Variants in CSMD3 observed in about 807,000 individuals in gnomAD.
CSMD3 encodes CUB and Sushi multiple domains 3, also known as CUB and sushi domain-containing protein 3.
A neutral mutation model predicts 435.2 loss-of-function variants in CSMD3; 177 were observed. That is an observed-to-expected ratio of 0.41 (90% CI 0.36 to 0.46). The LOEUF (loss-of-function observed/expected upper bound fraction) is 0.46. CSMD3 is among the 20% of genes least tolerant of loss of function. The pLI is 0.34. For synonymous variants in CSMD3, 1,656 were observed against 1,520.5 expected (o/e 1.09, Z -2.07); for missense variants, 4,265 against 4,504.6 (o/e 0.95, Z 1.52).
intron 16 of CSMD3, among the ~76,000 whole-genome samples, chr8:112,672,834 T>G (rs759879456): frequency 8.5e-5 from 13 of 152,068 alleles, no homozygotes; most frequent in Admixed American, 6.6e-5. Context: ...AAGGATACAT[T>G]CAAAGAACCC....
chr8:113,352,839 C>T (rs117632465), intron 1 of CSMD3, among the ~76,000 whole-genome samples: 4,513 of 152,274 alleles, frequency 0.03, 86 homozygotes, highest in Admixed American at 0.04. Flanking sequence ...CTTTGTACAG[C>T]TTATCAAGGT....
At chr8:112,518,269 G>C (rs1823888846) in intron 27 of CSMD3, among the ~76,000 whole-genome samples, 1 of 151,896 alleles carries the variant, frequency 6.6e-6, no homozygotes, top group Non-Finnish European at 1.5e-5. Flanking sequence ...GGGACATCAA[G>C]GCAAGAGGAT....
chr8:112,539,047 A>C (rs1242934785), intron 27 of CSMD3: 1 of 153,482 alleles, frequency 6.5e-6, no homozygotes, highest in Non-Finnish European at 1.5e-5. Flanking sequence ...AACATATTAA[A>C]AATATGCTAA....
chr8:112,321,182 T>G (rs1822968094), intron 45 of CSMD3, among the ~76,000 whole-genome samples: 1 of 152,084 alleles, frequency 6.6e-6, no homozygotes, highest in Admixed American at 6.6e-5. Context: ...ATGCCTATTT[T>G]TACTACTTAA....
intron 34 of CSMD3, 85 bp downstream of exon 34, chr8:112,408,233 G>A (rs1832031307): frequency 2.2e-6 from 2 of 926,420 alleles, no homozygotes; most frequent in South Asian, 1.3e-5. Context: ...TTTATCTAGA[G>A]GATTTCATCA....
At chr8:113,018,398 CTG>C (rs1372257981) in intron 6 of CSMD3, among the ~76,000 whole-genome samples, 3 of 151,860 alleles carry the variant, frequency 2.0e-5, no homozygotes, top group African/African-American at 7.3e-5. Context: ...AAGAATGTAA[CTG>C]TGGCAATGCT....
chr8:113,221,354 TACACACACACAC>T (rs147263614), intron 3 of CSMD3, among the ~76,000 whole-genome samples: 29 of 141,916 alleles, frequency 2.0e-4, no homozygotes, highest in African/African-American at 6.6e-4. Context: ...CAGACACAGT[TACACACACACAC>T]ACACACACAC....
At chr8:112,570,372 T>C (rs1366718612) in intron 24 of CSMD3, among the ~76,000 whole-genome samples, 1 of 152,208 alleles carries the variant, frequency 6.6e-6, no homozygotes, top group East Asian at 1.9e-4. Context: ...TGCAATGTGA[T>C]AACGGTTATA....
At chr8:112,592,725 A>G (rs556901629) in intron 22 of CSMD3, among the ~76,000 whole-genome samples, 43 of 152,242 alleles carry the variant, frequency 2.8e-4, no homozygotes, top group African/African-American at 9.9e-4. Flanking sequence ...TTCCATGAAC[A>G]GCTACTGAAG....
chr8:112,332,878 C>T (rs944672636), intron 45 of CSMD3, among the ~76,000 whole-genome samples: 1 of 152,126 alleles, frequency 6.6e-6, no homozygotes, highest in Non-Finnish European at 1.5e-5. Context: ...ATTCTCAAAA[C>T]GTCTCCTCAG....
intron 1 of CSMD3, among the ~76,000 whole-genome samples, chr8:113,421,895 A>G (rs957853607): frequency 2.0e-5 from 3 of 152,186 alleles, no homozygotes; most frequent in African/African-American, 7.2e-5. Flanking sequence ...AATTTTATCC[A>G]TTTGCCCAAG....
chr8:113,171,004 T>C (rs1331160325), intron 4 of CSMD3, among the ~76,000 whole-genome samples: 2 of 144,986 alleles, frequency 1.4e-5, no homozygotes, highest in African/African-American at 2.5e-5. Context: ...AAAATGGCAA[T>C]AGAAAAAAAA....
intron 27 of CSMD3, among the ~76,000 whole-genome samples, chr8:112,537,728 T>TAA (rs976029837): frequency 6.9e-6 from 1 of 145,740 alleles, no homozygotes; most frequent in Non-Finnish European, 1.5e-5. Context: ...TTCAAAGTAG[T>TAA]AAAAAAAAAA....
chr8:113,070,335 A>T (rs1588010687), intron 5 of CSMD3, among the ~76,000 whole-genome samples: 1 of 152,180 alleles, frequency 6.6e-6, no homozygotes, highest in African/African-American at 2.4e-5. Flanking sequence ...CCTCTAAAAA[A>T]TCATTTGTTA....
At chr8:113,418,081 G>A (rs1172865053) in intron 1 of CSMD3, among the ~76,000 whole-genome samples, 1 of 152,046 alleles carries the variant, frequency 6.6e-6, no homozygotes, top group African/African-American at 2.4e-5. Flanking sequence ...CACTACATAA[G>A]ATTCAACGGA....
intron 32 of CSMD3, among the ~76,000 whole-genome samples, chr8:112,445,802 T>C (rs750514212): frequency 2.5e-4 from 38 of 152,178 alleles, no homozygotes; most frequent in Non-Finnish European, 4.4e-4. Flanking sequence ...ACAATTTTTA[T>C]GAAATCAAGT....
intron 6 of CSMD3, among the ~76,000 whole-genome samples, chr8:112,979,206 G>A (rs113620986): frequency 6.6e-6 from 1 of 151,750 alleles, no homozygotes; most frequent in African/African-American, 2.4e-5. Flanking sequence ...AATATTCAAC[G>A]TTGTGTAGAA....
intron 12 of CSMD3, among the ~76,000 whole-genome samples, chr8:112,826,946 ATT>A (rs1431714948): frequency 5.3e-5 from 8 of 151,978 alleles, no homozygotes; most frequent in Non-Finnish European, 1.2e-4. Context: ...AAGGATATCA[ATT>A]GGTACATCAG....
intron 9 of CSMD3, among the ~76,000 whole-genome samples, chr8:112,926,826 C>T (rs887777354): frequency 2.6e-5 from 4 of 152,018 alleles, no homozygotes; most frequent in Non-Finnish European, 5.9e-5. Context: ...GACAGCATTA[C>T]ATCAAGAGTA....
Sources: gnomAD v4.1 joint callset for allele counts (sites outside exome capture counted in the v4.1 genomes callset) on GRCh38, gnomAD v4.1.1 for gene constraint, MANE v1.5 for transcripts, NCBI Gene and HGNC (gene_info 2026-07-23, HGNC 2026-07-21) for gene names.